RNF180: variants seen among roughly 807,000 people sequenced by gnomAD.
RNF180 encodes E3 ubiquitin-protein ligase RNF180.
A neutral mutation model predicts 59.2 loss-of-function variants in RNF180; 38 were observed. The observed-to-expected ratio is 0.64, with a 90% CI of 0.50 to 0.84. The LOEUF (loss-of-function observed/expected upper bound fraction) is 0.84. RNF180 is among the 40% of genes least tolerant of loss of function. The pLI, the probability that RNF180 is intolerant of heterozygous loss-of-function variation, is 0.00. For missense variants in RNF180, 705 were observed against 700.9 expected, an observed-to-expected ratio of 1.01 and a Z score of -0.07; for synonymous variants, 262 against 240.3, an observed-to-expected ratio of 1.09 and a Z score of -0.84.
intron 1 of RNF180, among the ~76,000 whole-genome samples, chr5:64,172,632 T>G (rs1750002374): frequency 6.6e-6 from 1 of 152,232 alleles, no homozygotes; most frequent in African/African-American, 2.4e-5. Context: ...GTAATTTTTC[T>G]ATGGAGACGT....
chr5:64,240,453 A>C, intron 5 of RNF180, among the ~76,000 whole-genome samples: 1 of 152,218 alleles, frequency 6.6e-6, no homozygotes, highest in East Asian at 1.9e-4. Context: ...TGAACCTCAG[A>C]TTCCTTAAAA....
chr5:64,340,273 G>T (rs904967765), intron 7 of RNF180, among the ~76,000 whole-genome samples: 1 of 152,018 alleles, frequency 6.6e-6, no homozygotes, highest in Non-Finnish European at 1.5e-5. Flanking sequence ...TTTTTAACAA[G>T]AATTAAAAAT....
intron 5 of RNF180, among the ~76,000 whole-genome samples, chr5:64,223,794 A>G (rs1741495873): frequency 6.6e-6 from 1 of 152,150 alleles, no homozygotes; most frequent in African/African-American, 2.4e-5. Flanking sequence ...TTTGCCAGAA[A>G]CTGTGTCAAG....
intron 5 of RNF180, among the ~76,000 whole-genome samples, chr5:64,285,678 C>A (rs1742245629): frequency 6.6e-6 from 1 of 152,092 alleles, no homozygotes; most frequent in Non-Finnish European, 1.5e-5. Flanking sequence ...GCTGGGGCCC[C>A]CACACAGGCC....
At chr5:64,192,223 A>G (rs1561178160) in intron 1 of RNF180, among the ~76,000 whole-genome samples, 1 of 151,776 alleles carries the variant, frequency 6.6e-6, no homozygotes, top group South Asian at 2.1e-4. Context: ...GGTTCTTAAT[A>G]TCAGTAATCA....
intron 5 of RNF180, among the ~76,000 whole-genome samples, chr5:64,258,678 G>A (rs948667499): frequency 1.3e-5 from 2 of 152,188 alleles, no homozygotes; most frequent in African/African-American, 4.8e-5. Flanking sequence ...ATATTGAACA[G>A]TTGGCTTTAT....
At chr5:64,209,450 T>C (rs1374869221) in intron 2 of RNF180, among the ~76,000 whole-genome samples, 2 of 152,052 alleles carry the variant, frequency 1.3e-5, no homozygotes, top group East Asian at 3.8e-4. Context: ...AATACATTAA[T>C]ACAAATAATA....
chr5:64,221,921 C>A (rs915846662), intron 5 of RNF180, among the ~76,000 whole-genome samples: 9 of 152,042 alleles, frequency 5.9e-5, no homozygotes, highest in African/African-American at 2.2e-4. Flanking sequence ...TTTTATGAAC[C>A]AATATCAATA....
At chr5:64,194,144 T>A (rs1322620602) in intron 1 of RNF180, among the ~76,000 whole-genome samples, 1 of 152,192 alleles carries the variant, frequency 6.6e-6, no homozygotes, top group Admixed American at 6.5e-5. Flanking sequence ...CCTAATGCTA[T>A]CCCTCCCTTT....
At chr5:64,353,571 A>C (rs1745899708) in intron 7 of RNF180, among the ~76,000 whole-genome samples, 1 of 151,808 alleles carries the variant, frequency 6.6e-6, no homozygotes, top group Non-Finnish European at 1.5e-5. Context: ...TATAACATAA[A>C]CCCAGAATTC....
At chr5:64,176,208 G>A (rs61694956) in intron 1 of RNF180, among the ~76,000 whole-genome samples, 3,328 of 152,096 alleles carry the variant, frequency 0.022, 93 homozygotes, top group African/African-American at 0.056. Context: ...ATCTTGGTAG[G>A]TCGTATATAT....
At chr5:64,297,080 G>T (rs59603508) in intron 5 of RNF180, among the ~76,000 whole-genome samples, 3,550 of 151,974 alleles carry the variant, frequency 0.023, 125 homozygotes, top group African/African-American at 0.075. Context: ...AATTCCAGTC[G>T]ATAACTACTA....
intron 7 of RNF180, among the ~76,000 whole-genome samples, chr5:64,357,041 CT>C (rs1443062941): frequency 6.6e-6 from 1 of 151,726 alleles, no homozygotes; most frequent in Non-Finnish European, 1.5e-5. Context: ...CAATTCTTAC[CT>C]GGTTATTGAA....
chr5:64,299,096 C>G (rs1041723298), intron 5 of RNF180, among the ~76,000 whole-genome samples: 9 of 151,852 alleles, frequency 5.9e-5, no homozygotes, highest in Admixed American at 3.9e-4. Flanking sequence ...AAGAGAGCTC[C>G]CTTGTCCTTT....
intron 5 of RNF180, among the ~76,000 whole-genome samples, chr5:64,305,903 A>T (rs1000484994): frequency 1.3e-5 from 2 of 151,602 alleles, no homozygotes; most frequent in Non-Finnish European, 3.0e-5. Flanking sequence ...TCATGGTAGA[A>T]CCATGCAATG....
chr5:64,278,221 T>C (rs1741829547), intron 5 of RNF180, among the ~76,000 whole-genome samples: 1 of 152,162 alleles, frequency 6.6e-6, no homozygotes, highest in South Asian at 2.1e-4. Flanking sequence ...CCTGCACTTT[T>C]AACGTAATGA....
At chr5:64,303,350 A>G (rs943731434) in intron 5 of RNF180, among the ~76,000 whole-genome samples, 1 of 151,680 alleles carries the variant, frequency 6.6e-6, no homozygotes, top group African/African-American at 2.4e-5. Flanking sequence ...CTTTACAACA[A>G]AAGCTATAGA....
chr5:64,324,845 T>TG (rs1283364591), intron 5 of RNF180, among the ~76,000 whole-genome samples: 2 of 152,200 alleles, frequency 1.3e-5, no homozygotes, highest in Non-Finnish European at 2.9e-5. Flanking sequence ...TTATTTGCTG[T>TG]GGTAGGAATG....
chr5:64,238,588 T>C (rs774820753), intron 5 of RNF180, among the ~76,000 whole-genome samples: 1 of 152,218 alleles, frequency 6.6e-6, no homozygotes, highest in Non-Finnish European at 1.5e-5. Flanking sequence ...TCTCTGTTCA[T>C]TAGTGACATT....
Sources: gnomAD v4.1 joint callset for allele counts (sites outside exome capture counted in the v4.1 genomes callset) on GRCh38, gnomAD v4.1.1 for gene constraint, MANE v1.5 for transcripts, NCBI Gene and HGNC (gene_info 2026-07-23, HGNC 2026-07-21) for gene names.